Variants in ZNF804A observed in about 807,000 individuals in gnomAD.
ZNF804A encodes the protein zinc finger protein 804A.
In ZNF804A, 2 loss-of-function variants were observed where a neutral mutation model predicts 16.5. That is an observed-to-expected ratio of 0.12 (90% CI 0.05 to 0.38). The LOEUF (loss-of-function observed/expected upper bound fraction) is 0.38. ZNF804A is among the 10% of genes least tolerant of loss of function. The probability of loss-of-function intolerance (pLI) is 0.99; values close to 1 mark genes in which losing one functional copy is unlikely to be tolerated. For missense variants in ZNF804A, 1,473 were observed against 1,390.7 expected (o/e 1.06, Z -0.94); for synonymous variants, 534 against 489.6 (o/e 1.09, Z -1.20).
intron 1 of ZNF804A, among the ~76,000 whole-genome samples, chr2:184,787,571 T>C (rs1219300220): frequency 6.6e-6 from 1 of 152,028 alleles, no homozygotes; most frequent in Non-Finnish European, 1.5e-5. Flanking sequence ...ATATATCTCA[T>C]TGTGGTTTTA....
At chr2:184,691,593 A>G (rs968493795) in intron 1 of ZNF804A, among the ~76,000 whole-genome samples, 4 of 151,810 alleles carry the variant, frequency 2.6e-5, no homozygotes, top group South Asian at 4.1e-4. Context: ...ACAATATCCA[A>G]TGTTCCTGAA....
chr2:184,621,108 C>T (rs761417982), intron 1 of ZNF804A, among the ~76,000 whole-genome samples: 14 of 151,344 alleles, frequency 9.3e-5, no homozygotes, highest in Admixed American at 3.3e-4. Context: ...AATGTATGTA[C>T]GTATATAAAA....
At chr2:184,748,160 T>A (rs543195097) in intron 1 of ZNF804A, among the ~76,000 whole-genome samples, 125 of 151,492 alleles carry the variant, frequency 8.3e-4, no homozygotes, top group African/African-American at 3.0e-3. Flanking sequence ...ATTGCTGAGT[T>A]GAATGTTAGC....
chr2:184,629,813 C>A (rs894084474), intron 1 of ZNF804A, among the ~76,000 whole-genome samples: 3 of 151,972 alleles, frequency 2.0e-5, no homozygotes, highest in Non-Finnish European at 1.5e-5. Flanking sequence ...TTCTAGTGGG[C>A]AGAGAAAGAA....
At chr2:184,810,275 G>T (rs1270584097) in intron 1 of ZNF804A, among the ~76,000 whole-genome samples, 1 of 152,050 alleles carries the variant, frequency 6.6e-6, no homozygotes, top group East Asian at 1.9e-4. Context: ...GCCTGCTATA[G>T]GTGATGATCA....
chr2:184,782,137 T>C (rs988288153), intron 1 of ZNF804A, among the ~76,000 whole-genome samples: 1 of 151,784 alleles, frequency 6.6e-6, no homozygotes, highest in Non-Finnish European at 1.5e-5. Context: ...TACAGTCACA[T>C]TTTTAAGTAC....
At chr2:184,867,324 T>C (rs1295015591) in intron 2 of ZNF804A, among the ~76,000 whole-genome samples, 1 of 152,132 alleles carries the variant, frequency 6.6e-6, no homozygotes, top group African/African-American at 2.4e-5. Context: ...TCAAATACCA[T>C]GCCGAGTACT....
chr2:184,927,525 G>T (rs1473264480), intron 2 of ZNF804A, among the ~76,000 whole-genome samples: 2 of 152,152 alleles, frequency 1.3e-5, no homozygotes, highest in African/African-American at 4.8e-5. Context: ...AAAGCCTTGG[G>T]GCTTTACTAA....
intron 1 of ZNF804A, among the ~76,000 whole-genome samples, chr2:184,783,341 A>T (rs72903727): frequency 0.027 from 4,084 of 151,694 alleles, 93 homozygotes; most frequent in Non-Finnish European, 0.045. Flanking sequence ...TAAACTAGGC[A>T]GATATCTTTA....
chr2:184,936,061 C>A lies in ZNF804A; in HGVS notation c.665C>A (p.Ala222Glu), dbSNP rs757479195. ...TTTTCTTTTGCATTTCCAAAGAAAG[C>A]GTCCGTGAAGCTAGAGTCCTCAGCT... ...IGFSFAFPKK[A>E]SVKLESSAAA... Residue 222 changes from alanine to glutamate, a missense_variant, in exon 4 of 4, where the codon GCG (alanine) becomes GAG (glutamate). By Grantham distance (107) the Ala-to-Glu change is moderately radical. Coordinates refer to ENST00000302277, the MANE Select transcript of ZNF804A (RefSeq NM_194250.2). 1.9e-6 allele frequency: 3 copies of A among 1,613,978 alleles called. No homozygotes were observed. Among genetic ancestry groups the A allele is most frequent in the South Asian group, 1.1e-5 (1 of 91,072 alleles).
chr2:184,665,117 C>G (rs1280186643), intron 1 of ZNF804A, among the ~76,000 whole-genome samples: 6 of 152,132 alleles, frequency 3.9e-5, no homozygotes, highest in Non-Finnish European at 7.4e-5. Context: ...CAAACACAAA[C>G]TCTTAGTATT....
At chr2:184,651,743 C>G (rs933232418) in intron 1 of ZNF804A, among the ~76,000 whole-genome samples, 1 of 151,906 alleles carries the variant, frequency 6.6e-6, no homozygotes, top group Admixed American at 6.6e-5. Context: ...CAATGAGATA[C>G]CATCTCACAC....
intron 1 of ZNF804A, among the ~76,000 whole-genome samples, chr2:184,789,643 C>G (rs1156822067): frequency 6.6e-6 from 1 of 152,036 alleles, no homozygotes; most frequent in East Asian, 1.9e-4. Context: ...ATAGAAATCT[C>G]TGATGATCTT....
At chr2:184,733,028 GT>G (rs1405927332) in intron 1 of ZNF804A, among the ~76,000 whole-genome samples, 1 of 151,896 alleles carries the variant, frequency 6.6e-6, no homozygotes, top group Non-Finnish European at 1.5e-5. Context: ...TTCTTTTCTT[GT>G]CTTGTCTTAT....
chr2:184,722,598 T>A (rs908809664), intron 1 of ZNF804A, among the ~76,000 whole-genome samples: 7 of 152,028 alleles, frequency 4.6e-5, no homozygotes, highest in African/African-American at 1.7e-4. Flanking sequence ...TACGCAATAG[T>A]GACGTATGAA....
intron 1 of ZNF804A, among the ~76,000 whole-genome samples, chr2:184,798,513 T>C (rs536273739): frequency 2.0e-5 from 3 of 152,252 alleles, no homozygotes; most frequent in South Asian, 4.1e-4. Flanking sequence ...CTTTCTTTAC[T>C]TGTTCAATTC....
chr2:184,636,059 A>T (rs1267755507), intron 1 of ZNF804A, among the ~76,000 whole-genome samples: 2 of 152,174 alleles, frequency 1.3e-5, no homozygotes, highest in African/African-American at 2.4e-5. Context: ...AGTTGAAGTA[A>T]GTGAAAATTA....
At chr2:184,692,313 G>A (rs762522740) in intron 1 of ZNF804A, among the ~76,000 whole-genome samples, 1 of 152,118 alleles carries the variant, frequency 6.6e-6, no homozygotes, top group Non-Finnish European at 1.5e-5. Flanking sequence ...TCTGGCCCTA[G>A]GACTAGCGCC....
In ZNF804A at chr2:184,938,018, A is replaced by G. The variant is rs760227911; in HGVS notation, c.2622A>G (p.Gln874=). ...AAAGGAACTCAGAACAAACAAACCA[A>G]TTAAGAAACAAACTGTCTTTCCACC... ...KIERNSEQTN[Q]LRNKLSFHPN... Residue 874 remains glutamine (Q), a synonymous_variant, in exon 4 of 4, where the codon CAA becomes CAG. Coordinates refer to ENST00000302277, the MANE Select transcript of ZNF804A (RefSeq NM_194250.2). 16 of 1,614,076 alleles carry G rather than the reference A, an allele frequency of 9.9e-6. No individual in the cohort carries two copies. The highest frequency in any genetic ancestry group is 1.0e-5 in the Non-Finnish European group (12 of 1,180,014).
Sources: allele counts gnomAD v4.1 joint callset (sites outside exome capture counted in the v4.1 genomes callset), GRCh38; gene constraint gnomAD v4.1.1; transcripts MANE v1.5; gene names NCBI Gene and HGNC (gene_info 2026-07-23, HGNC 2026-07-21).